The following NRXN3 variants were observed in gnomAD, a reference collection of about 807,000 sequenced individuals.
The protein encoded by NRXN3 is neurexin 3.
A neutral mutation model predicts 137.6 loss-of-function variants in NRXN3; 32 were observed. The observed-to-expected ratio is 0.23, with a 90% CI of 0.18 to 0.31. The LOEUF (loss-of-function observed/expected upper bound fraction) is 0.31. Among genes scored for constraint, NRXN3 ranks in the 10% least tolerant of loss-of-function variants. The pLI is 1.00. For synonymous variants in NRXN3, 798 were observed against 784.5 expected (o/e 1.02, Z -0.29); for missense variants, 1,574 against 2,062.5 (o/e 0.76, Z 4.59).
intron 15 of NRXN3, among the ~76,000 whole-genome samples, chr14:79,283,687 T>C (rs2081679690): frequency 6.6e-6 from 1 of 151,738 alleles, no homozygotes; most frequent in Non-Finnish European, 1.5e-5. Context: ...ACCTTCTTCT[T>C]AATGGGAATC....
At chr14:79,322,188 A>G (rs1023410163) in intron 15 of NRXN3, among the ~76,000 whole-genome samples, 1 of 152,234 alleles carries the variant, frequency 6.6e-6, no homozygotes, top group Non-Finnish European at 1.5e-5. Context: ...TTGTTCAGTA[A>G]TGAAACAAAC....
intron 15 of NRXN3, among the ~76,000 whole-genome samples, chr14:79,195,970 A>G (rs1264169890): frequency 6.6e-6 from 1 of 152,198 alleles, no homozygotes. Flanking sequence ...CTGGTTCCTG[A>G]ACCAAATGAC....
At chr14:79,426,734 T>G (rs1427059818) in intron 15 of NRXN3, among the ~76,000 whole-genome samples, 3 of 152,186 alleles carry the variant, frequency 2.0e-5, no homozygotes, top group Admixed American at 1.3e-4. Flanking sequence ...GAGAAGGGAC[T>G]GTCATGGGGA....
At chr14:78,641,337 T>G (rs2097627124) in intron 4 of NRXN3, among the ~76,000 whole-genome samples, 1 of 152,168 alleles carries the variant, frequency 6.6e-6, no homozygotes, top group Non-Finnish European at 1.5e-5. Flanking sequence ...TTCAAGGTCC[T>G]CATTTTTTTC....
chr14:78,594,335 A>G (rs1031932137), intron 4 of NRXN3, among the ~76,000 whole-genome samples: 2 of 152,066 alleles, frequency 1.3e-5, no homozygotes, highest in African/African-American at 4.8e-5. Flanking sequence ...GGTGGTAGAG[A>G]TCAGATGGCA....
chr14:78,268,784 T>C (rs2072236633), intron 2 of NRXN3, among the ~76,000 whole-genome samples: 1 of 152,178 alleles, frequency 6.6e-6, no homozygotes, highest in African/African-American at 2.4e-5. Flanking sequence ...TGAGGTTATT[T>C]ACATACACTA....
intron 15 of NRXN3, among the ~76,000 whole-genome samples, chr14:79,457,653 A>G (rs781576644): frequency 1.3e-5 from 2 of 152,218 alleles, no homozygotes; most frequent in Non-Finnish European, 2.9e-5. Flanking sequence ...AATTAAAGCC[A>G]CAAATACACC....
intron 10 of NRXN3, among the ~76,000 whole-genome samples, chr14:78,862,556 A>G (rs1177072513): frequency 6.6e-6 from 1 of 152,052 alleles, no homozygotes; most frequent in Non-Finnish European, 1.5e-5. Flanking sequence ...TGTTTTATTA[A>G]ATCTCTAATT....
chr14:79,813,936 T>C (rs1380143385), intron 20 of NRXN3, among the ~76,000 whole-genome samples: 1 of 152,214 alleles, frequency 6.6e-6, no homozygotes, highest in Non-Finnish European at 1.5e-5. Context: ...ATAGAATATT[T>C]GTTGTATCTT....
intron 16 of NRXN3, among the ~76,000 whole-genome samples, chr14:79,577,962 C>T (rs2097680694): frequency 6.6e-6 from 1 of 152,148 alleles, no homozygotes; most frequent in Non-Finnish European, 1.5e-5. Context: ...AATCCAGGTG[C>T]ATTCACAATC....
intron 20 of NRXN3, among the ~76,000 whole-genome samples, chr14:79,841,306 T>A (rs2205219): frequency 2.0e-5 from 3 of 151,894 alleles, no homozygotes; most frequent in African/African-American, 4.8e-5. Flanking sequence ...CAAGAAATGG[T>A]GAGTTTTATT....
At chr14:78,463,169 A>G (rs973974413) in intron 4 of NRXN3, among the ~76,000 whole-genome samples, 7 of 152,172 alleles carry the variant, frequency 4.6e-5, no homozygotes, top group Non-Finnish European at 8.8e-5. Flanking sequence ...TTGCTGTAAA[A>G]GACATGATTT....
chr14:78,465,494 C>G (rs960620753), intron 4 of NRXN3, among the ~76,000 whole-genome samples: 1 of 152,118 alleles, frequency 6.6e-6, no homozygotes, highest in Non-Finnish European at 1.5e-5. Context: ...AGAAATATCA[C>G]AAGTGATGAC....
rs963245812 is a variant in NRXN3 at position 79,833,645 on chromosome 14, G to A, written c.4094-27697G>A. Among the ~76,000 whole-genome samples the A allele has an allele frequency of 2.0e-5, 3 of 152,074 alleles. No homozygotes were observed. In the East Asian group the frequency reaches 5.8e-4, roughly 29 times the overall value. ...TGTTGAGAAATCACCTTAAAAGGCAGGCAGCTCTTAAATGCTTGTTCTCAC... is the reference window on the plus strand; with the variant it reads ...TGTTGAGAAATCACCTTAAAAGGCAAGCAGCTCTTAAATGCTTGTTCTCAC... On this transcript the variant is annotated intron_variant, in intron 20 of 20. Transcript: ENST00000335750.
intron 8 of NRXN3, among the ~76,000 whole-genome samples, chr14:78,723,927 C>A (rs2098471506): frequency 6.6e-6 from 1 of 152,072 alleles, no homozygotes; most frequent in Non-Finnish European, 1.5e-5. Context: ...TTTCTTCATA[C>A]TTTAAATGGT....
At chr14:79,096,419 C>CT (rs377710312) in intron 15 of NRXN3, among the ~76,000 whole-genome samples, 18 of 151,892 alleles carry the variant, frequency 1.2e-4, no homozygotes, top group Admixed American at 2.6e-4. Flanking sequence ...TTCCGCCTCT[C>CT]TTTTTTTTAA....
intron 16 of NRXN3, among the ~76,000 whole-genome samples, chr14:79,561,548 T>C (rs1250918687): frequency 6.6e-6 from 1 of 152,212 alleles, no homozygotes; most frequent in Admixed American, 6.5e-5. Context: ...GTAGGCTATG[T>C]AATTTGATTC....
chr14:78,585,253 A>G (rs1299213498), intron 4 of NRXN3, among the ~76,000 whole-genome samples: 1 of 152,110 alleles, frequency 6.6e-6, no homozygotes, highest in Non-Finnish European at 1.5e-5. Flanking sequence ...ATCAGGGCAG[A>G]TGGTCACAGG....
At chr14:78,450,993 C>A (rs2153705814) in intron 4 of NRXN3, among the ~76,000 whole-genome samples, 1 of 152,108 alleles carries the variant, frequency 6.6e-6, no homozygotes, top group Admixed American at 6.6e-5. Flanking sequence ...ACTTCTTCTA[C>A]CTTTGGAGCT....
Sources: allele counts gnomAD v4.1 joint callset (sites outside exome capture counted in the v4.1 genomes callset), GRCh38; gene constraint gnomAD v4.1.1; transcripts MANE v1.5; gene names NCBI Gene and HGNC (gene_info 2026-07-23, HGNC 2026-07-21).